The following TMEM87A variants were observed in gnomAD, a reference collection of about 807,000 sequenced individuals.
TMEM87A encodes the protein Golgi-pH regulating cation channel.
In TMEM87A, 50 loss-of-function variants were observed where a neutral mutation model predicts 90.0. The observed-to-expected ratio is 0.56, with a 90% CI of 0.44 to 0.70. TMEM87A has a LOEUF of 0.70. TMEM87A is among the 30% of genes least tolerant of loss of function. The pLI is 0.00. For synonymous variants in TMEM87A, 226 were observed against 226.7 expected (o/e 1.00, Z 0.03); for missense variants, 577 against 660.5 (o/e 0.87, Z 1.39).
chr15:42,218,314 A>G lies in TMEM87A; in HGVS notation c.1595+9T>C, dbSNP rs1454178568. The G allele has an allele frequency of 5.0e-6, 8 of 1,613,484 alleles. No homozygotes were observed. Among genetic ancestry groups the G allele is most frequent in the African/African-American group, 1.3e-5 (1 of 74,918 alleles). ...ATAGGATTCTTGTGGTAATCATTCA[A>G]AAACTTACACATCTGTCACAGAAGA... On this transcript the variant is annotated intron_variant, in intron 18 of 19. Coordinates refer to ENST00000389834, the MANE Select transcript of TMEM87A (RefSeq NM_015497.5).
chr15:42,222,220 A>T, intron 15 of TMEM87A, among the ~76,000 whole-genome samples: 1 of 152,076 alleles, frequency 6.6e-6, no homozygotes, highest in East Asian at 1.9e-4. Context: ...CATCATGCCC[A>T]ACTAATTTGG....
intron 14 of TMEM87A, chr15:42,227,134 CAG>C (rs2050610267): frequency 3.8e-6 from 2 of 529,652 alleles, no homozygotes; most frequent in Admixed American, 6.8e-5. Flanking sequence ...ATCAACGGAA[CAG>C]AGTATTTGTC....
intron 7 of TMEM87A, among the ~76,000 whole-genome samples, chr15:42,240,718 G>C (rs1344483729): frequency 1.3e-5 from 2 of 152,084 alleles, no homozygotes; most frequent in African/African-American, 4.8e-5. Flanking sequence ...ATCATCCCTA[G>C]AGACAGACTA....
rs371542183 is a variant in TMEM87A, at chr15:42,228,698, A to T, written c.1240+14T>A. The T allele has an allele frequency of 1.9e-4, 305 of 1,606,620 alleles. 3 individuals carry two copies. Among genetic ancestry groups the T allele is most frequent in the Middle Eastern group, 9.9e-4 (6 of 6,054 alleles). ...GATCACATTTGAACTCCAAGAAGAA[A>T]GTCCCAGACTTACCTGCCACTGCCA... On this transcript the variant is annotated intron_variant, in intron 13 of 19. Transcript: ENST00000389834.
At chr15:42,251,207 G>C (rs923106668) in intron 6 of TMEM87A, among the ~76,000 whole-genome samples, 8 of 152,072 alleles carry the variant, frequency 5.3e-5, no homozygotes, top group African/African-American at 1.9e-4. Context: ...GCTCAGAGAG[G>C]TTTGTTATTA....
In TMEM87A at chr15:42,250,551, T is replaced by A. The variant is rs192544512; in HGVS notation, c.505-6384A>T. 3.5e-3 allele frequency among the ~76,000 whole-genome samples: 529 copies of A among 152,332 alleles called. 6 individuals are homozygous for A. The highest frequency in any genetic ancestry group is 6.8e-3 in the Middle Eastern group (2 of 294). On this transcript the variant is annotated intron_variant, in intron 6 of 19. Coordinates refer to ENST00000389834, the MANE Select transcript of TMEM87A (RefSeq NM_015497.5). ...AAGCTTAGTTTGGCTGGATATGAAA[T>A]TCTGGATTGAAAATTATTTAAGAAT...
At chr15:42,230,023 G>A (rs890345121) in intron 12 of TMEM87A, among the ~76,000 whole-genome samples, 2 of 152,110 alleles carry the variant, frequency 1.3e-5, no homozygotes, top group African/African-American at 2.4e-5. Flanking sequence ...ATAGGGCTTC[G>A]CCATGTTGCC....
chr15:42,267,887 G>C lies in TMEM87A; in HGVS notation c.291+60C>G, dbSNP rs1336140197. ...GATACTCTTTCCTCTATGAAATTAA[G>C]AGACTGGAACCAGATAATCACTAAG... On this transcript the variant is annotated intron_variant, in intron 3 of 19. Coordinates refer to ENST00000389834, the MANE Select transcript of TMEM87A (RefSeq NM_015497.5). The C allele has an allele frequency of 1.4e-5, 19 of 1,356,864 alleles. No individual in the cohort carries two copies. In the Admixed American group the frequency reaches 2.7e-4, roughly 19 times the overall value. The allele number at this position is 1,356,864 out of a possible 1,614,324, so 84.1% of individuals were successfully genotyped here. A position where few individuals can be genotyped will look rare whatever the true frequency, so the allele number is the denominator to read the frequency against.
chr15:42,266,622 G>C (rs1199733067), intron 3 of TMEM87A, among the ~76,000 whole-genome samples: 1 of 152,024 alleles, frequency 6.6e-6, no homozygotes, highest in Non-Finnish European at 1.5e-5. Flanking sequence ...CAGGAACTAA[G>C]GCAGTGGCAT....
chr15:42,222,246 CG>C (rs886154014), intron 15 of TMEM87A, among the ~76,000 whole-genome samples: 19 of 152,170 alleles, frequency 1.2e-4, no homozygotes, highest in African/African-American at 4.3e-4. Context: ...TTAGTAGAGA[CG>C]GGGTTTTTCT....
In TMEM87A at chr15:42,226,906, A is replaced by T. The variant is rs1166031825; in HGVS notation, c.1303T>A (p.Trp435Arg). 1.9e-6 allele frequency: 3 copies of T among 1,613,810 alleles called. No homozygotes were observed. Among genetic ancestry groups the T allele is most frequent in the Non-Finnish European group, 2.5e-6 (3 of 1,179,908 alleles). The part of the protein sequence containing the change: ...KFRIVTCQSD[W>R]RELWVDDAIW... The stretch of plus-strand genomic sequence containing the variant: ...GCATCGTCTACCCACAGCTCCCGCC[A>T]GTCCTACAATACAGGGGAGAAGTAC... Residue 435 changes from tryptophan to arginine, a missense_variant, in exon 15 of 20, where the codon TGG becomes AGG. By Grantham distance (101) the Trp-to-Arg change is moderately radical (BLOSUM62 -3). Coordinates refer to ENST00000389834, the MANE Select transcript of TMEM87A (RefSeq NM_015497.5).
At chr15:42,244,856 C>A (rs925973862) in intron 6 of TMEM87A, among the ~76,000 whole-genome samples, 1 of 150,876 alleles carries the variant, frequency 6.6e-6, no homozygotes, top group East Asian at 2.0e-4. Context: ...TAACTGGTTT[C>A]TTCTTCCTTG....
chr15:42,223,945 A>G (rs2050543039), intron 15 of TMEM87A, among the ~76,000 whole-genome samples: 1 of 151,360 alleles, frequency 6.6e-6, no homozygotes, highest in Non-Finnish European at 1.5e-5. Context: ...GTAATCTGGA[A>G]ATACTTTAAA....
rs745732493 is a variant in TMEM87A at position 42,220,171 on chromosome 15, G to C, written c.1404-36C>G. ...CAAAGTGAACAGAAGGAAAAAATTAGAAAACTTCAAAAACTGCTATACCAG... is the reference window on the plus strand; with the variant it reads ...CAAAGTGAACAGAAGGAAAAAATTACAAAACTTCAAAAACTGCTATACCAG... On this transcript the variant is annotated intron_variant, in intron 15 of 19. Coordinates refer to ENST00000389834, the MANE Select transcript of TMEM87A (RefSeq NM_015497.5). 3 of 1,540,364 alleles carry C rather than the reference G, an allele frequency of 1.9e-6. No individual in the cohort carries two copies. In the African/African-American group the frequency reaches 4.2e-5, roughly 22 times the overall value.
At chr15:42,243,529 T>G (rs1641923977) in intron 7 of TMEM87A, among the ~76,000 whole-genome samples, 3 of 149,470 alleles carry the variant, frequency 2.0e-5, no homozygotes, top group Admixed American at 2.0e-4. Context: ...TTTTTTTTTT[T>G]TTTTGAGAAC....
chr15:42,213,819 A>T (rs1320476414), intron 19 of TMEM87A, among the ~76,000 whole-genome samples: 1 of 152,172 alleles, frequency 6.6e-6, no homozygotes, highest in African/African-American at 2.4e-5. Context: ...TGAAACCAAC[A>T]CAAAGAATTA....
chr15:42,221,366 GC>G lies in TMEM87A; in HGVS notation c.1404-1232del, dbSNP rs147648137. ...ACAGCATTCCTACATATTTGGAAAAGCTGTATATATTTTTAAAAGTTGCATT... is the reference window on the plus strand; with the variant it reads ...ACAGCATTCCTACATATTTGGAAAAGTGTATATATTTTTAAAAGTTGCATT... On this transcript the variant is annotated intron_variant, in intron 15 of 19. Transcript: ENST00000389834. Among the ~76,000 whole-genome samples, 25 of 152,194 alleles carry G rather than the reference GC, an allele frequency of 1.6e-4. No individual in the cohort carries two copies. The East Asian group carries it at 4.4e-3, about 27-fold the overall frequency.
intron 6 of TMEM87A, among the ~76,000 whole-genome samples, chr15:42,246,811 T>G (rs2050982094): frequency 6.6e-6 from 1 of 152,232 alleles, no homozygotes; most frequent in Non-Finnish European, 1.5e-5. Context: ...GTATACCCAG[T>G]AATGGGATGG....
intron 3 of TMEM87A, among the ~76,000 whole-genome samples, chr15:42,264,625 A>G (rs977258782): frequency 6.6e-6 from 1 of 151,116 alleles, no homozygotes; most frequent in African/African-American, 2.4e-5. Context: ...AAATTGAGAG[A>G]TAGAAACAGA....
Sources: allele counts gnomAD v4.1 joint callset (sites outside exome capture counted in the v4.1 genomes callset), GRCh38; gene constraint gnomAD v4.1.1; transcripts MANE v1.5; gene names NCBI Gene and HGNC (gene_info 2026-07-23, HGNC 2026-07-21).